The following PTPRM variants were observed in gnomAD, a reference collection of about 807,000 sequenced individuals.
PTPRM encodes receptor-type tyrosine-protein phosphatase mu.
In PTPRM, 47 loss-of-function variants were observed where a neutral mutation model predicts 186.7. That is an observed-to-expected ratio of 0.25 (90% CI 0.20 to 0.32). The LOEUF is 0.32. Among genes scored for constraint, PTPRM ranks in the 10% least tolerant of loss-of-function variants. PTPRM has a pLI of 1.00. For missense variants in PTPRM, 1,494 were observed against 1,865.0 expected, an observed-to-expected ratio of 0.80 and a Z score of 3.66; for synonymous variants, 668 against 674.9, an observed-to-expected ratio of 0.99 and a Z score of 0.16.
At chr18:7,848,912 C>T (rs948621636) in intron 2 of PTPRM, among the ~76,000 whole-genome samples, 2 of 152,002 alleles carry the variant, frequency 1.3e-5, no homozygotes, top group African/African-American at 4.8e-5. Context: ...TGGACATTAA[C>T]TTTGGAAAGT....
intron 1 of PTPRM, among the ~76,000 whole-genome samples, chr18:7,581,458 G>C (rs761214024): frequency 1.3e-5 from 2 of 152,088 alleles, no homozygotes; most frequent in African/African-American, 4.8e-5. Flanking sequence ...CTATGCAGTC[G>C]ATGCTTGTTT....
intron 2 of PTPRM, among the ~76,000 whole-genome samples, chr18:7,848,685 T>C (rs574447091): frequency 1.4e-4 from 22 of 151,930 alleles, no homozygotes; most frequent in Admixed American, 7.2e-4. Flanking sequence ...ATTGCTTGAG[T>C]CCGAGAGTTT....
chr18:8,263,848 A>G (rs2094665062), intron 19 of PTPRM, among the ~76,000 whole-genome samples: 1 of 152,146 alleles, frequency 6.6e-6, no homozygotes, highest in Non-Finnish European at 1.5e-5. Flanking sequence ...AGTCCTACGC[A>G]CCTGTTCGTG....
chr18:8,349,112 C>G (rs2095520769), intron 23 of PTPRM, among the ~76,000 whole-genome samples: 1 of 152,136 alleles, frequency 6.6e-6, no homozygotes, highest in African/African-American at 2.4e-5. Flanking sequence ...AATTCACATA[C>G]AAGGAAGGTA....
intron 1 of PTPRM, among the ~76,000 whole-genome samples, chr18:7,708,693 C>G (rs1410138166): frequency 6.6e-6 from 1 of 152,078 alleles, no homozygotes; most frequent in African/African-American, 2.4e-5. Flanking sequence ...TACTTTAAAG[C>G]TTAAATTATA....
chr18:7,951,021 T>A (rs2052917026), intron 6 of PTPRM, among the ~76,000 whole-genome samples: 1 of 152,214 alleles, frequency 6.6e-6, no homozygotes, highest in Non-Finnish European at 1.5e-5. Flanking sequence ...CAGTGACTGA[T>A]GTTCGGCGTA....
chr18:7,784,960 C>T (rs2043030101), intron 2 of PTPRM, among the ~76,000 whole-genome samples: 1 of 152,140 alleles, frequency 6.6e-6, no homozygotes, highest in African/African-American at 2.4e-5. Flanking sequence ...GAGGTGGGAG[C>T]ACCCAAGAGG....
chr18:8,298,118 G>A (rs753164509), intron 20 of PTPRM, among the ~76,000 whole-genome samples: 14 of 152,200 alleles, frequency 9.2e-5, no homozygotes, highest in Non-Finnish European at 1.8e-4. Flanking sequence ...TTTTGTTGCA[G>A]CCTGGTACAC....
chr18:8,066,790 T>G (rs140816422), intron 7 of PTPRM, among the ~76,000 whole-genome samples: 3 of 152,358 alleles, frequency 2.0e-5, no homozygotes, highest in East Asian at 1.9e-4. Flanking sequence ...TTACCACTCA[T>G]GACAATAGGC....
At chr18:7,807,620 TTTG>T (rs914685000) in intron 2 of PTPRM, among the ~76,000 whole-genome samples, 42 of 152,310 alleles carry the variant, frequency 2.8e-4, no homozygotes, top group African/African-American at 9.4e-4. Context: ...TGCATTTCTT[TTTG>T]TTGTTGTTGT....
At chr18:7,956,901 C>T (rs1279528289) in intron 7 of PTPRM, among the ~76,000 whole-genome samples, 1 of 152,202 alleles carries the variant, frequency 6.6e-6, no homozygotes, top group African/African-American at 2.4e-5. Context: ...CTTATGAATT[C>T]TCCAGGGCAG....
chr18:8,099,139 T>TTCTCTCTCTCTC (rs138039597), intron 11 of PTPRM, among the ~76,000 whole-genome samples: 5 of 149,504 alleles, frequency 3.3e-5, no homozygotes, highest in African/African-American at 9.8e-5. Context: ...CACAGTCTCT[T>TTCTCTCTCTCTC]TCTCTCTCTC....
intron 1 of PTPRM, among the ~76,000 whole-genome samples, chr18:7,679,255 C>T (rs988669389): frequency 1.3e-5 from 2 of 152,130 alleles, no homozygotes; most frequent in Non-Finnish European, 2.9e-5. Flanking sequence ...ATTTAAATAA[C>T]TGAACACATC....
chr18:7,646,334 G>A (rs2038562246), intron 1 of PTPRM, among the ~76,000 whole-genome samples: 1 of 152,192 alleles, frequency 6.6e-6, no homozygotes, highest in African/African-American at 2.4e-5. Flanking sequence ...CCTTTGGGCA[G>A]GGGCATCCTC....
In PTPRM at chr18:7,774,373, T is replaced by G. The variant is rs114755160; in HGVS notation, c.196+102T>G. The G allele has an allele frequency of 1.6e-3, 2,210 of 1,421,418 alleles. 33 individuals are homozygous for G. The African/African-American group carries it at 0.027, about 17-fold the overall frequency. The allele number at this position is 1,421,418 out of a possible 1,614,324, so 88.1% of individuals were successfully genotyped here. ...GGTTAAATGAGTGACGGTGTTGGTC[T>G]TTGGATGTGGCAGTCAAAGTTGGAT... On this transcript the variant is annotated intron_variant, in intron 2 of 32. Coordinates refer to ENST00000580170, the MANE Select transcript of PTPRM (RefSeq NM_001105244.2).
intron 14 of PTPRM, among the ~76,000 whole-genome samples, chr18:8,209,989 T>TAAAAAAAAAAAAAAAAA (rs67547673): frequency 1.3e-5 from 1 of 78,702 alleles, no homozygotes; most frequent in Non-Finnish European, 2.4e-5. Flanking sequence ...GAAGTAAAAT[T>TAAAAAAAAAAAAAAAAA]AAAAAAAAAA....
chr18:8,346,165 G>A (rs892537639), intron 23 of PTPRM, among the ~76,000 whole-genome samples: 2 of 152,182 alleles, frequency 1.3e-5, no homozygotes, highest in Non-Finnish European at 2.9e-5. Flanking sequence ...CCTAGAAGAG[G>A]GTGCTGGGCC....
intron 1 of PTPRM, among the ~76,000 whole-genome samples, chr18:7,603,120 G>A (rs577943269): frequency 6.6e-6 from 1 of 151,898 alleles, no homozygotes; most frequent in African/African-American, 2.4e-5. Flanking sequence ...AGTAGAGATG[G>A]GGTTTCACCA....
intron 13 of PTPRM, among the ~76,000 whole-genome samples, chr18:8,121,385 TA>T (rs1172733005): frequency 2.0e-5 from 3 of 152,204 alleles, no homozygotes; most frequent in Admixed American, 6.5e-5. Context: ...AATTTTCCAA[TA>T]TTTTTTTGCA....
Sources: gnomAD v4.1 joint callset for allele counts (sites outside exome capture counted in the v4.1 genomes callset) on GRCh38, gnomAD v4.1.1 for gene constraint, MANE v1.5 for transcripts, NCBI Gene and HGNC (gene_info 2026-07-23, HGNC 2026-07-21) for gene names.